Variants in HABP2 observed in about 807,000 individuals in gnomAD.
HABP2 encodes factor VII-activating protease.
HABP2 carries 65 observed loss-of-function variants against 66.5 expected under a neutral mutation model. The observed-to-expected ratio is 0.98, with a 90% CI of 0.80 to 1.20. The LOEUF (loss-of-function observed/expected upper bound fraction) is 1.20, where lower values mean the gene tolerates loss of function less well. HABP2 is among the 50% of genes most tolerant of loss of function. The pLI is 0.00. For synonymous variants in HABP2, 263 were observed against 253.9 expected, an observed-to-expected ratio of 1.04 and a Z score of -0.34; for missense variants, 786 against 691.0, an observed-to-expected ratio of 1.14 and a Z score of -1.54.
intron 1 of HABP2, among the ~76,000 whole-genome samples, chr10:113,560,782 G>A (rs1002241893): frequency 7.9e-5 from 12 of 152,340 alleles, no homozygotes; most frequent in African/African-American, 2.9e-4. Context: ...GACAAATATT[G>A]TAGGATTCCG....
At position 113,589,074 on chromosome 10, in the gene HABP2, C is replaced by G. The variant is rs562795399; in HGVS notation, c.*705C>G. The G allele has an allele frequency of 2.5e-6, 4 of 1,613,562 alleles. No individual in the cohort carries two copies. The African/African-American group carries it at 5.3e-5, about 22-fold the overall frequency. On this transcript the variant is annotated 3_prime_UTR_variant, in exon 13 of 13. Coordinates refer to ENST00000351270, the MANE Select transcript of HABP2 (RefSeq NM_004132.5). Reference sequence around the variant, plus strand: ...GATCTCCAGCCTCCACTGCTTCTGCCCCCCGCTGCTGAAATCAAACATACC... The same window carrying G: ...GATCTCCAGCCTCCACTGCTTCTGCGCCCCGCTGCTGAAATCAAACATACC...
Position 113,584,202 on chromosome 10 carries a change from T to A in HABP2, c.1292T>A (p.Val431Glu). 6.2e-7 allele frequency: 1 copy of A among 1,613,486 alleles called. No homozygotes were observed. The highest frequency in any genetic ancestry group is 8.5e-7 in the Non-Finnish European group (1 of 1,179,366). Reference sequence around the variant, plus strand: ...CACTGTGCTCTAGAATCCAAATACGTGAAGACTGTGTGCTTGCCTGATGGG... The same window carrying A: ...CACTGTGCTCTAGAATCCAAATACGAGAAGACTGTGTGCTTGCCTGATGGG... Reference protein sequence around the residue: ...DGHCALESKYVKTVCLPDGSF... With the variant: ...DGHCALESKYEKTVCLPDGSF... Residue 431 changes from valine (V) to glutamate (E), a missense_variant, in exon 11 of 13, where the codon GTG becomes GAG. Physicochemically the swap from Val to Glu is moderately radical, Grantham distance 121. Coordinates refer to ENST00000351270, the MANE Select transcript of HABP2 (RefSeq NM_004132.5).
At chr10:113,552,883 T>G, upstream of HABP2, 1 of 417,426 alleles carries the variant, frequency 2.4e-6, no homozygotes, top group Non-Finnish European at 4.3e-6. Context: ...TTTGGAGAGT[T>G]TCTCCCCAGA....
rs753998839 is a variant in HABP2 at position 113,578,010 on chromosome 10, A to T, written c.449-16A>T. On this transcript the variant is annotated splice_polypyrimidine_tract_variant and intron_variant, in intron 5 of 12. Transcript: ENST00000351270. ...CCTTCTGAAGAGCCTTCCTGGCCCC[A>T]TTCCTGTGTTCACAGTGGTTCCTGT... The T allele has an allele frequency of 5.6e-6, 9 of 1,613,394 alleles. No homozygotes were observed. In the East Asian group the frequency reaches 2.0e-4, roughly 36 times the overall value.
At position 113,567,521 on chromosome 10, in the gene HABP2, C is replaced by G; in HGVS notation, c.102C>G (p.Asp34Glu). Residue 34 changes from aspartate (D) to glutamate (E), a missense_variant, in exon 2 of 13, where the codon GAC (aspartate) becomes GAG (glutamate). Asp to Glu is a conservative substitution (Grantham distance 45). Transcript: ENST00000351270. ...FSLMSLLESLDPDWTPDQYDY... is the reference protein window; with the variant it reads ...FSLMSLLESLEPDWTPDQYDY... The stretch of plus-strand genomic sequence containing the variant: ...TGATGTCTTTATTGGAAAGCCTGGA[C>G]CCAGGTAAGTGTGCTGATCTCCCTG... 1.2e-6 allele frequency: 2 copies of G among 1,610,444 alleles called. No homozygotes were observed. The highest frequency in any genetic ancestry group is 1.7e-6 in the Non-Finnish European group (2 of 1,176,630).
In HABP2 at chr10:113,553,172, G is replaced by A; in HGVS notation, c.51G>A (p.Val17=). The A allele has an allele frequency of 6.2e-7, 1 of 1,612,178 alleles. No homozygotes were observed. Among genetic ancestry groups the A allele is most frequent in the Non-Finnish European group, 8.5e-7 (1 of 1,178,206 alleles). ...ATGTTCTGCTGTTAATGGCTCTGGT[G>A]GGAAAGACAGCCTGTGGGGTAAGTG... ...DLHVLLLMAL[V]GKTACGFSLM... is the part of the protein sequence containing the mutation. Residue 17 remains valine, a synonymous_variant, in exon 1 of 13, where the codon GTG becomes GTA. Coordinates refer to ENST00000351270, the MANE Select transcript of HABP2 (RefSeq NM_004132.5).
intron 12 of HABP2, among the ~76,000 whole-genome samples, chr10:113,587,864 G>A (rs3781377): frequency 0.018 from 2,702 of 152,104 alleles, 88 homozygotes; most frequent in South Asian, 0.13. Flanking sequence ...CCTAGGCCAC[G>A]CTGCCTTGGA....
chr10:113,562,653 C>T (rs1375229037), intron 1 of HABP2, among the ~76,000 whole-genome samples: 2 of 152,150 alleles, frequency 1.3e-5, no homozygotes, highest in Non-Finnish European at 2.9e-5. Context: ...CCATGTTGGC[C>T]AAGCTGGTCT....
At chr10:113,561,250 T>C (rs1314428490) in intron 1 of HABP2, among the ~76,000 whole-genome samples, 1 of 152,162 alleles carries the variant, frequency 6.6e-6, no homozygotes, top group Non-Finnish European at 1.5e-5. Context: ...CCAGTGATGA[T>C]TTCAACTCAG....
chr10:113,566,507 C>T (rs917653116), intron 1 of HABP2, among the ~76,000 whole-genome samples: 40 of 152,184 alleles, frequency 2.6e-4, no homozygotes, highest in Non-Finnish European at 3.8e-4. Context: ...TTGAGGAATG[C>T]CATGTGCCAA....
intron 1 of HABP2, among the ~76,000 whole-genome samples, chr10:113,557,478 A>G (rs1845018511): frequency 6.6e-6 from 1 of 152,202 alleles, no homozygotes; most frequent in Non-Finnish European, 1.5e-5. Flanking sequence ...TCACAGAGAA[A>G]CAGCATGGCA....
In HABP2 at chr10:113,553,168, T is replaced by C; in HGVS notation, c.47T>C (p.Leu16Pro). ...CTCCATGTTCTGCTGTTAATGGCTC[T>C]GGTGGGAAAGACAGCCTGTGGGGTA... is the stretch of plus-strand genomic sequence containing the variant. ...SDLHVLLLMA[L>P]VGKTACGFSL... Residue 16 changes from leucine to proline, a missense_variant, in exon 1 of 13, where the codon CTG becomes CCG. Leu to Pro is a moderately conservative substitution (Grantham distance 98). Transcript: ENST00000351270. The C allele has an allele frequency of 6.2e-7, 1 of 1,612,436 alleles. No homozygotes were observed.
intron 1 of HABP2, among the ~76,000 whole-genome samples, chr10:113,557,096 G>A (rs530903377): frequency 6.6e-6 from 1 of 152,250 alleles, no homozygotes; most frequent in Admixed American, 6.5e-5. Context: ...CTCAGCATCC[G>A]ATTAATTCAA....
intron 2 of HABP2, among the ~76,000 whole-genome samples, chr10:113,574,087 C>A (rs956009282): frequency 2.0e-5 from 3 of 152,120 alleles, no homozygotes; most frequent in Non-Finnish European, 2.9e-5. Context: ...ACTACCTTGC[C>A]GGGTCATAGC....
chr10:113,577,632 G>C (rs972627702), intron 5 of HABP2, among the ~76,000 whole-genome samples: 7 of 152,190 alleles, frequency 4.6e-5, no homozygotes, highest in African/African-American at 1.4e-4. Context: ...ACACCTCAAG[G>C]AGGAGCTTTA....
At chr10:113,554,640 A>C (rs946593222) in intron 1 of HABP2, among the ~76,000 whole-genome samples, 5 of 152,246 alleles carry the variant, frequency 3.3e-5, no homozygotes, top group Non-Finnish European at 7.3e-5. Context: ...AGAGAAAGGC[A>C]GGAGAAATCA....
rs1020702797 is a variant in HABP2 at position 113,565,826 on chromosome 10, T to C, written c.70-1663T>C. Among the ~76,000 whole-genome samples the C allele has an allele frequency of 4.6e-5, 7 of 152,344 alleles. No individual in the cohort carries two copies. In the East Asian group the frequency reaches 1.2e-3, roughly 25 times the overall value. ...CTTTTTTTGTCTTTTATGGTGTTGATGTTTTTCTGGAGGCTAGGCTAGGTG... is the reference window on the plus strand; with the variant it reads ...CTTTTTTTGTCTTTTATGGTGTTGACGTTTTTCTGGAGGCTAGGCTAGGTG... On this transcript the variant is annotated intron_variant, in intron 1 of 12. Coordinates refer to ENST00000351270, the MANE Select transcript of HABP2 (RefSeq NM_004132.5).
chr10:113,561,710 C>T (rs1845103472), intron 1 of HABP2, among the ~76,000 whole-genome samples: 1 of 152,176 alleles, frequency 6.6e-6, no homozygotes. Context: ...CCCATCACTG[C>T]CTCCTAATCC....
chr10:113,588,658 CAG>C lies in HABP2; in HGVS notation c.*293_*294del, dbSNP rs1845725387. ...GTACCTTCTAGAAAATCAGTGTTCA[CAG>C]AGACTGCCTCCACCACAGGCATCCT... is the stretch of plus-strand genomic sequence containing the variant. On this transcript the variant is annotated 3_prime_UTR_variant, in exon 13 of 13. Coordinates refer to ENST00000351270, the MANE Select transcript of HABP2 (RefSeq NM_004132.5). 3.8e-6 allele frequency: 2 copies of C among 531,714 alleles called. No individual in the cohort carries two copies. Among genetic ancestry groups the C allele is most frequent in the East Asian group, 3.0e-5 (1 of 33,076 alleles). 32.9% of individuals were successfully genotyped at this position (531,714 alleles called of 1,614,324 possible).
Sources: gnomAD v4.1 joint callset for allele counts (sites outside exome capture counted in the v4.1 genomes callset) on GRCh38, gnomAD v4.1.1 for gene constraint, MANE v1.5 for transcripts, NCBI Gene and HGNC (gene_info 2026-07-23, HGNC 2026-07-21) for gene names.